CERK: variants seen among roughly 807,000 people sequenced by gnomAD.
CERK encodes acylsphingosine kinase.
In CERK, 39 loss-of-function variants were observed where a neutral mutation model predicts 63.4. The observed-to-expected ratio is 0.61, with a 90% CI of 0.48 to 0.80. CERK has a LOEUF of 0.80. Among genes scored for constraint, CERK ranks in the 30% least tolerant of loss-of-function variants. The probability of loss-of-function intolerance (pLI) is 0.00; values close to 1 mark genes in which losing one functional copy is unlikely to be tolerated. For missense variants in CERK, 670 were observed against 714.1 expected (o/e 0.94, Z 0.70); for synonymous variants, 302 against 280.0 (o/e 1.08, Z -0.78).
rs2082821842 is a variant in CERK at position 46,707,948 on chromosome 22, G to A, written c.610C>T (p.Leu204=). Reference sequence around the variant, plus strand: ...TGCGTCCTCCCAATCAGACCGTGCAGCACCTCGCTGAACATACCATCTCCG... The same window carrying A: ...TGCGTCCTCCCAATCAGACCGTGCAACACCTCGCTGAACATACCATCTCCG... ...VGGDGMFSEV[L]HGLIGRTQRS... Residue 204 remains leucine, a synonymous_variant, in exon 6 of 13, where the codon CTG becomes TTG. Transcript: ENST00000216264. 1 of 1,613,420 alleles carries A rather than the reference G, an allele frequency of 6.2e-7. No individual in the cohort carries two copies. Among genetic ancestry groups the A allele is most frequent in the Non-Finnish European group, 8.5e-7 (1 of 1,179,836 alleles).
chr22:46,733,530 G>C (rs2082956647), intron 1 of CERK, among the ~76,000 whole-genome samples: 1 of 151,520 alleles, frequency 6.6e-6, no homozygotes, highest in South Asian at 2.1e-4. Context: ...CTGACATCAA[G>C]TGATCCACCC....
At chr22:46,695,110 CT>C in intron 9 of CERK, 99 bp downstream of exon 9, 1 of 698,282 alleles carries the variant, frequency 1.4e-6, no homozygotes, top group Non-Finnish European at 2.5e-6. Flanking sequence ...CATCCGGCAC[CT>C]TCCACCACAT....
chr22:46,712,203 A>G lies in CERK; in HGVS notation c.470T>C (p.Leu157Pro), dbSNP rs777672686. Residue 157 changes from leucine (L) to proline (P), a missense_variant, in exon 4 of 13, where the codon CTG (leucine) becomes CCG (proline). Leu to Pro is a moderately conservative substitution (Grantham distance 98, BLOSUM62 -3). Coordinates refer to ENST00000216264, the MANE Select transcript of CERK (RefSeq NM_022766.6). The part of the protein sequence containing the change: ...KRIYERKVAP[L>P]FTLASITTDI... ...AGTGGTGATGGAGGCTAAGGTGAAC[A>G]GTGGTGCCACTTTTCTTTCATATAT... The G allele has an allele frequency of 1.9e-6, 3 of 1,614,136 alleles. No individual in the cohort carries two copies. The African/African-American group carries it at 4.0e-5, about 22-fold the overall frequency.
intron 1 of CERK, among the ~76,000 whole-genome samples, chr22:46,723,989 C>T (rs554933546): frequency 2.6e-5 from 4 of 152,264 alleles, no homozygotes; most frequent in East Asian, 1.9e-4. Context: ...TGAGCCACCG[C>T]GCCTGGCCAG....
At chr22:46,708,441 G>A (rs932149561) in intron 5 of CERK, among the ~76,000 whole-genome samples, 1 of 152,272 alleles carries the variant, frequency 6.6e-6, no homozygotes, top group African/African-American at 2.4e-5. Flanking sequence ...AGCTGGCTGT[G>A]CAGCCTTGCT....
intron 5 of CERK, among the ~76,000 whole-genome samples, chr22:46,710,414 C>T (rs948234711): frequency 3.4e-5 from 5 of 145,262 alleles, no homozygotes; most frequent in African/African-American, 5.2e-5. Context: ...GCAACAAGAG[C>T]GAAACTCTGC....
chr22:46,731,503 G>C (rs2082945303), intron 1 of CERK, among the ~76,000 whole-genome samples: 1 of 152,258 alleles, frequency 6.6e-6, no homozygotes, highest in Admixed American at 6.5e-5. Context: ...TTCCCTGCTG[G>C]AGCAGTGCCA....
chr22:46,718,943 C>T (rs1304477630), intron 3 of CERK, among the ~76,000 whole-genome samples: 1 of 152,066 alleles, frequency 6.6e-6, no homozygotes, highest in African/African-American at 2.4e-5. Context: ...TGGCACACAC[C>T]TGTAGTCCCA....
intron 3 of CERK, among the ~76,000 whole-genome samples, chr22:46,713,839 C>G (rs1601721856): frequency 1.3e-5 from 2 of 152,222 alleles, no homozygotes; most frequent in African/African-American, 4.8e-5. Flanking sequence ...TTGATTGAAA[C>G]TTAGGATTTT....
intron 1 of CERK, among the ~76,000 whole-genome samples, chr22:46,726,314 G>C (rs1601728828): frequency 6.6e-6 from 1 of 152,254 alleles, no homozygotes; most frequent in East Asian, 1.9e-4. Context: ...AAGCTGCCAC[G>C]TGAGGACCGG....
chr22:46,704,016 C>A (rs1442495175), intron 6 of CERK, among the ~76,000 whole-genome samples: 1 of 152,266 alleles, frequency 6.6e-6, no homozygotes, highest in East Asian at 1.9e-4. Context: ...CACAAAGAGA[C>A]CCTCTCCCCA....
intron 1 of CERK, among the ~76,000 whole-genome samples, chr22:46,730,605 G>A (rs563600484): frequency 1.3e-5 from 2 of 152,338 alleles, no homozygotes; most frequent in South Asian, 4.1e-4. Flanking sequence ...CTAAAGAGCA[G>A]AGAGAAAGAA....
intron 6 of CERK, among the ~76,000 whole-genome samples, chr22:46,702,671 C>A (rs1451167301): frequency 6.6e-6 from 1 of 152,254 alleles, no homozygotes; most frequent in Non-Finnish European, 1.5e-5. Context: ...ACAGCCAGGA[C>A]AGGCAGCTCA....
Position 46,693,413 on chromosome 22 carries a change from G to A in CERK, c.1126+14C>T. The A allele has an allele frequency of 6.2e-7, 1 of 1,612,186 alleles. No individual in the cohort carries two copies. Among genetic ancestry groups the A allele is most frequent in the Non-Finnish European group, 8.5e-7 (1 of 1,178,242 alleles). The stretch of plus-strand genomic sequence containing the variant: ...CACACAGTGACAACACTGAGCCTGT[G>A]TTTTAGGAATTACCCGCAGCTTCCA... On this transcript the variant is annotated intron_variant, in intron 10 of 12. Transcript: ENST00000216264.
intron 5 of CERK, among the ~76,000 whole-genome samples, chr22:46,709,179 A>G (rs1283527665): frequency 6.6e-6 from 1 of 152,224 alleles, no homozygotes; most frequent in Non-Finnish European, 1.5e-5. Context: ...CAGATCACTC[A>G]GACAGACAGC....
chr22:46,733,813 A>G (rs1265835810), intron 1 of CERK, among the ~76,000 whole-genome samples: 1 of 151,630 alleles, frequency 6.6e-6, no homozygotes, highest in Non-Finnish European at 1.5e-5. Flanking sequence ...AGGCCGAGGC[A>G]GGCAGATCAT....
At chr22:46,729,582 T>C (rs1443992099) in intron 1 of CERK, among the ~76,000 whole-genome samples, 3 of 151,610 alleles carry the variant, frequency 2.0e-5, no homozygotes, top group Non-Finnish European at 4.4e-5. Flanking sequence ...CCAAAAAACA[T>C]TAACAGGACT....
intron 6 of CERK, among the ~76,000 whole-genome samples, chr22:46,703,698 C>T (rs910013804): frequency 1.3e-5 from 2 of 152,230 alleles, no homozygotes; most frequent in Non-Finnish European, 2.9e-5. Flanking sequence ...GTCCAAGCCA[C>T]CAGCGTTCTC....
At chr22:46,697,151 T>A (rs2082760513) in intron 8 of CERK, among the ~76,000 whole-genome samples, 1 of 152,242 alleles carries the variant, frequency 6.6e-6, no homozygotes, top group South Asian at 2.1e-4. Flanking sequence ...AAATCACTAT[T>A]TCTTTCTCTC....
Sources: allele counts gnomAD v4.1 joint callset (sites outside exome capture counted in the v4.1 genomes callset), GRCh38; gene constraint gnomAD v4.1.1; transcripts MANE v1.5; gene names NCBI Gene and HGNC (gene_info 2026-07-23, HGNC 2026-07-21).